Variants in SLC12A4 observed in about 807,000 individuals in gnomAD.
SLC12A4 encodes solute carrier family 12 member 4, also known as electroneutral potassium-chloride cotransporter 1.
In SLC12A4, 84 loss-of-function variants were observed where a neutral mutation model predicts 119.2. The observed-to-expected ratio is 0.70, with a 90% CI of 0.59 to 0.85. SLC12A4 has a LOEUF of 0.85. SLC12A4 is among the 40% of genes least tolerant of loss of function. SLC12A4 has a pLI of 0.00. For missense variants in SLC12A4, 1,298 were observed against 1,476.3 expected, an observed-to-expected ratio of 0.88 and a Z score of 1.98; for synonymous variants, 599 against 604.6, an observed-to-expected ratio of 0.99 and a Z score of 0.14.
At chr16:67,963,850 T>G (rs992753236) in intron 1 of SLC12A4, 46 of 1,522,726 alleles carry the variant, frequency 3.0e-5, no homozygotes, top group Non-Finnish European at 4.0e-5. Context: ...GGACGGGGCC[T>G]GCAGAGGGGC....
intron 1 of SLC12A4, among the ~76,000 whole-genome samples, chr16:67,967,538 T>C (rs988172040): frequency 3.9e-5 from 6 of 152,154 alleles, no homozygotes; most frequent in Non-Finnish European, 4.4e-5. Context: ...TCCTCAGCCG[T>C]GTTCGTGCTC....
Position 67,947,387 on chromosome 16 carries a change from A to C in SLC12A4, c.2016T>G (p.Ala672=), listed in dbSNP as rs575518467. ...GDGIRGLSLS[A]ARYALLRLEE... ...CCAGCCGCAACAGCGCGTAGCGGGC[A>C]GCGCTCAGGGACAGGCCTCGGATCC... is the stretch of plus-strand genomic sequence containing the variant. Residue 672 remains alanine, a synonymous_variant, in exon 16 of 24, where the codon GCT becomes GCG. Transcript: ENST00000316341. 25 of 1,612,764 alleles carry C rather than the reference A, an allele frequency of 1.6e-5. No individual in the cohort carries two copies. Among genetic ancestry groups the C allele is most frequent in the Non-Finnish European group, 1.9e-5 (23 of 1,179,878 alleles).
chr16:67,955,688 C>T (rs1598222231), intron 5 of SLC12A4, among the ~76,000 whole-genome samples: 2 of 152,236 alleles, frequency 1.3e-5, no homozygotes, highest in African/African-American at 4.8e-5. Flanking sequence ...CGTGACCAGC[C>T]TGGGCAACAC....
intron 23 of SLC12A4, 60 bp downstream of exon 23, chr16:67,945,027 G>A (rs762182522): frequency 4.3e-5 from 68 of 1,595,570 alleles, no homozygotes; most frequent in Middle Eastern, 1.7e-4. Context: ...GAGAGAAGCC[G>A]CTGGCTTGAC....
At chr16:67,945,712 C>CA (rs2058336268) in intron 21 of SLC12A4, 52 bp downstream of exon 21, 1 of 1,572,516 alleles carries the variant, frequency 6.4e-7, no homozygotes, top group Non-Finnish European at 8.7e-7. Flanking sequence ...ATGCGGTCTC[C>CA]AAAGGCCTGA....
rs2151327811 is a variant in SLC12A4, at chr16:67,949,923, G to A, written c.1630-5C>T. The A allele has an allele frequency of 1.9e-6, 3 of 1,604,120 alleles. No homozygotes were observed. The highest frequency in any genetic ancestry group is 4.5e-5 in the East Asian group (2 of 44,696). On this transcript the variant is annotated splice_polypyrimidine_tract_variant and splice_region_variant and intron_variant, in intron 12 of 23. Coordinates refer to ENST00000316341, the MANE Select transcript of SLC12A4 (RefSeq NM_005072.5). This position sits in a 1 kb window ranked among gnomAD's most constrained non-coding sequence, Gnocchi z 4.6. ...CACCTTCCCGTGGCCAAACACCTGT[G>A]TGCACCAGGAAGGAAGCTGGGTCCT...
rs750684184 is a variant in SLC12A4 at position 67,951,029 on chromosome 16, G to A, written c.1329C>T (p.Asp443=). 4.3e-6 allele frequency: 7 copies of A among 1,613,826 alleles called. No individual in the cohort carries two copies. In the African/African-American group the frequency reaches 8.0e-5, roughly 18 times the overall value. The change falls in exon 10 of 24, where the codon GAC becomes GAT. Residue 443 remains aspartate, a synonymous_variant. Coordinates refer to ENST00000316341, the MANE Select transcript of SLC12A4 (RefSeq NM_005072.5). The surrounding 1 kb of genome is among the most constrained non-coding windows in gnomAD (Gnocchi z 5.2). ...GIMAGSNRSG[D]LRDAQKSIPV... is the part of the protein sequence containing the mutation. Reference sequence around the variant, plus strand: ...GGATAGACTTCTGGGCGTCACGAAGGTCCCCAGAGCGGTTTGAGCCAGCCA... The same window carrying A: ...GGATAGACTTCTGGGCGTCACGAAGATCCCCAGAGCGGTTTGAGCCAGCCA...
chr16:67,956,756 C>T (rs564163258), intron 5 of SLC12A4, among the ~76,000 whole-genome samples: 2 of 151,734 alleles, frequency 1.3e-5, no homozygotes, highest in South Asian at 4.2e-4. Flanking sequence ...CACATACACA[C>T]GTAAACATAT....
rs759374024 is a variant in SLC12A4 at position 67,951,844 on chromosome 16, C to T, written c.1111G>A (p.Ala371Thr). The change falls in exon 8 of 24, where the codon GCA (alanine) becomes ACA (threonine). Residue 371 changes from alanine to threonine, a missense_variant. By Grantham distance (58) the Ala-to-Thr change is moderately conservative. Coordinates refer to ENST00000316341, the MANE Select transcript of SLC12A4 (RefSeq NM_005072.5). The surrounding 1 kb of genome is among the most constrained non-coding windows in gnomAD (Gnocchi z 5.2). ...NVTEIPGIPG[A>T]AAGVLQENLW... ...CCACCCTGGAGCACACCAGCAGCTGCCCCGGGGATGCCAGGGATCTCGGTC... is the reference window on the plus strand; with the variant it reads ...CCACCCTGGAGCACACCAGCAGCTGTCCCGGGGATGCCAGGGATCTCGGTC... 5.0e-6 allele frequency: 8 copies of T among 1,612,976 alleles called. No homozygotes were observed. The African/African-American group carries it at 8.0e-5, about 16-fold the overall frequency.
chr16:67,956,512 C>A (rs560204930), intron 5 of SLC12A4, among the ~76,000 whole-genome samples: 19 of 152,022 alleles, frequency 1.2e-4, no homozygotes, highest in Admixed American at 1.2e-3. Flanking sequence ...ATAGTGAAAC[C>A]TCGTCTCTAC....
At chr16:67,955,425 CAA>C (rs1313463425) in intron 5 of SLC12A4, among the ~76,000 whole-genome samples, 3 of 152,134 alleles carry the variant, frequency 2.0e-5, no homozygotes, top group Non-Finnish European at 4.4e-5. Flanking sequence ...GAAATTCTTT[CAA>C]AGAGTCAATC....
rs2030880365 is a variant in SLC12A4, at chr16:67,966,654, G to A, written c.115+1785C>T. ...TAGGCCTCCCAGAGCAGAGGTGTGG[G>A]CACTGAACTGGGGAAGGGGCAGGAG... On this transcript the variant is annotated intron_variant, in intron 1 of 23. Transcript: ENST00000316341. 3.5e-6 allele frequency: 5 copies of A among 1,442,136 alleles called. No individual in the cohort carries two copies. In the African/African-American group the frequency reaches 4.2e-5, roughly 12 times the overall value. 89.3% of individuals were successfully genotyped at this position (1,442,136 alleles called of 1,614,324 possible).
chr16:67,945,343 G>T, intron 22 of SLC12A4, 26 bp downstream of exon 22: 1 of 1,600,906 alleles, frequency 6.2e-7, no homozygotes, highest in South Asian at 1.1e-5. Context: ...TTCCAGTGCC[G>T]CTGGGGCTGT....
At chr16:67,946,783 G>A in intron 17 of SLC12A4, 150 bp from the exon 18 acceptor site, 2 of 1,221,044 alleles carry the variant, frequency 1.6e-6, no homozygotes, top group Non-Finnish European at 2.3e-6. Flanking sequence ...TTTTCAAGAT[G>A]GGACTGCTGG....
At position 67,950,953 on chromosome 16, in the gene SLC12A4, A is replaced by T; in HGVS notation, c.1396+9T>A. The T allele has an allele frequency of 6.2e-7, 1 of 1,612,138 alleles. No individual in the cohort carries two copies. On this transcript the variant is annotated intron_variant, in intron 10 of 23. Coordinates refer to ENST00000316341, the MANE Select transcript of SLC12A4 (RefSeq NM_005072.5). This position sits in a 1 kb window ranked among gnomAD's most constrained non-coding sequence, Gnocchi z 4.3. The stretch of plus-strand genomic sequence containing the variant: ...CTGCCCCACCTGCCCCAGGCCTGGG[A>T]AAGGATACACACGAGGGAAGTTGTA...
rs529702912 is a variant in SLC12A4, at chr16:67,965,042, A to G, written c.116-1483T>C. On this transcript the variant is annotated intron_variant, in intron 1 of 23. Coordinates refer to ENST00000316341, the MANE Select transcript of SLC12A4 (RefSeq NM_005072.5). ...CAACCTGGACTAGCTAAGTGAGCCAAGCAGCTCAGCCCCACATTCACATAG... is the reference window on the plus strand; with the variant it reads ...CAACCTGGACTAGCTAAGTGAGCCAGGCAGCTCAGCCCCACATTCACATAG... Among the ~76,000 whole-genome samples, 3 of 152,348 alleles carry G rather than the reference A, an allele frequency of 2.0e-5. No individual in the cohort carries two copies. The East Asian group carries it at 5.8e-4, about 29-fold the overall frequency.
chr16:67,952,340 T>C lies in SLC12A4; in HGVS notation c.761A>G (p.Tyr254Cys), dbSNP rs1249972734. The change falls in exon 7 of 24, where the codon TAT (tyrosine) becomes TGT (cysteine). Residue 254 changes from tyrosine to cysteine, a missense_variant. Transcript: ENST00000316341. ...CATGAAGGTCAGGAAAATGGTCCCA[T>C]ACACACGCATATTGTTCAAAGTGGC... is the stretch of plus-strand genomic sequence containing the variant. The part of the protein sequence containing the change: ...SNATLNNMRV[Y>C]GTIFLTFMTL... The C allele has an allele frequency of 3.7e-6, 6 of 1,614,140 alleles. No individual in the cohort carries two copies. Among genetic ancestry groups the C allele is most frequent in the Non-Finnish European group, 4.2e-6 (5 of 1,180,018 alleles).
At chr16:67,956,134 G>A (rs763770974) in intron 5 of SLC12A4, among the ~76,000 whole-genome samples, 11 of 152,054 alleles carry the variant, frequency 7.2e-5, no homozygotes, top group Non-Finnish European at 1.5e-4. Flanking sequence ...CTGAGATCGT[G>A]CCACTGCACT....
At chr16:67,963,699 T>C in intron 1 of SLC12A4, 140 bp from the exon 2 acceptor site, 2 of 829,740 alleles carry the variant, frequency 2.4e-6, no homozygotes, top group Non-Finnish European at 3.7e-6. Flanking sequence ...AGTTTTCACA[T>C]GGCACCGTGC....
Sources: allele counts gnomAD v4.1 joint callset (sites outside exome capture counted in the v4.1 genomes callset), GRCh38; gene constraint gnomAD v4.1.1; non-coding constraint Gnocchi (gnomAD v3.1); transcripts MANE v1.5; gene names NCBI Gene and HGNC (gene_info 2026-07-23, HGNC 2026-07-21).